Variants in CCDC30 observed in about 807,000 individuals in gnomAD.
CCDC30 encodes the protein coiled-coil domain-containing protein 30.
CCDC30 carries 70 observed loss-of-function variants against 100.2 expected under a neutral mutation model. The ratio of observed to expected loss-of-function variants is 0.70; its 90% CI spans 0.58 to 0.85. The LOEUF (loss-of-function observed/expected upper bound fraction) is 0.85. Ranked by LOEUF, CCDC30 falls within the 40% of genes least tolerant of loss-of-function variation. The pLI, the probability that CCDC30 is intolerant of heterozygous loss-of-function variation, is 0.00. For synonymous variants in CCDC30, 233 were observed against 269.5 expected (o/e 0.86, Z 1.33); for missense variants, 652 against 771.2 (o/e 0.85, Z 1.83).
intron 8 of CCDC30, among the ~76,000 whole-genome samples, chr1:42,578,245 GT>G (rs1423828821): frequency 8.5e-5 from 13 of 152,254 alleles, no homozygotes; most frequent in East Asian, 7.7e-4. Flanking sequence ...AAAATCTAAT[GT>G]TGAGTTAAAG....
At chr1:42,521,246 T>A (rs1644641182) in intron 6 of CCDC30, 1 of 153,630 alleles carries the variant, frequency 6.5e-6, no homozygotes, top group African/African-American at 2.4e-5. Flanking sequence ...CCCAAAGTGC[T>A]GGGATTACAG....
intron 6 of CCDC30, among the ~76,000 whole-genome samples, chr1:42,554,067 A>G (rs1427439396): frequency 1.3e-5 from 2 of 152,004 alleles, no homozygotes; most frequent in Non-Finnish European, 2.9e-5. Flanking sequence ...TTGCGCCACA[A>G]TTTTACTTTG....
At chr1:42,520,145 C>T (rs1251508838) in intron 6 of CCDC30, among the ~76,000 whole-genome samples, 1 of 136,856 alleles carries the variant, frequency 7.3e-6, no homozygotes, top group East Asian at 2.4e-4. Context: ...CTTTTGCTAC[C>T]TTCAGGTTTG....
At chr1:42,546,418 A>ACACG (rs1452437481) in intron 6 of CCDC30, among the ~76,000 whole-genome samples, 8 of 8,180 alleles carry the variant, frequency 9.8e-4, no homozygotes, top group East Asian at 3.1e-3. Flanking sequence ...ATATATATAT[A>ACACG]TATATATATA....
chr1:42,473,280 A>G, intron 1 of CCDC30: 1 of 1,231,438 alleles, frequency 8.1e-7, no homozygotes, highest in Non-Finnish European at 1.0e-6. Flanking sequence ...GCTTATAGTG[A>G]AGCACATGGG....
At chr1:42,582,250 A>G (rs1426631113) in intron 9 of CCDC30, among the ~76,000 whole-genome samples, 2 of 152,082 alleles carry the variant, frequency 1.3e-5, no homozygotes, top group African/African-American at 2.4e-5. Flanking sequence ...TTTATTTCTC[A>G]ACATAAGCTC....
At chr1:42,570,398 CTT>C (rs2148572481) in intron 7 of CCDC30, among the ~76,000 whole-genome samples, 1 of 151,984 alleles carries the variant, frequency 6.6e-6, no homozygotes, top group South Asian at 2.1e-4. Flanking sequence ...AAAATACTAA[CTT>C]ATTGCTTTTA....
At chr1:42,640,996 C>G (rs1647340360) in intron 12 of CCDC30, among the ~76,000 whole-genome samples, 1 of 152,004 alleles carries the variant, frequency 6.6e-6, no homozygotes, top group Non-Finnish European at 1.5e-5. Flanking sequence ...TGTCTCATGC[C>G]TGTAATCCCA....
chr1:42,536,942 AC>A (rs1644916766), intron 6 of CCDC30: 1 of 355,594 alleles, frequency 2.8e-6, no homozygotes, highest in Admixed American at 4.2e-5. Flanking sequence ...TTAAGGCCCC[AC>A]CCTTATATCC....
intron 11 of CCDC30, among the ~76,000 whole-genome samples, chr1:42,629,158 C>T (rs141394001): frequency 1.1e-3 from 174 of 152,322 alleles, no homozygotes; most frequent in African/African-American, 3.5e-3. Context: ...TAGTCATTAA[C>T]GTCCTTTGCT....
At chr1:42,583,375 G>A (rs1646005642) in intron 9 of CCDC30, among the ~76,000 whole-genome samples, 1 of 152,210 alleles carries the variant, frequency 6.6e-6, no homozygotes, top group African/African-American at 2.4e-5. Context: ...TTTAAACTAA[G>A]TGTAGGAAAA....
In CCDC30 at chr1:42,543,435, C is replaced by T. The variant is rs148244975; in HGVS notation, c.457-22861C>T. Among the ~76,000 whole-genome samples, 3 of 151,984 alleles carry T rather than the reference C, an allele frequency of 2.0e-5. No homozygotes were observed. In the South Asian group the frequency reaches 6.2e-4, roughly 32 times the overall value. ...CTCACAGGTTCAAGTGATTTTCATG[C>T]CTCAGCCATCCGAGTAACTGGGGTT... On this transcript the variant is annotated intron_variant, in intron 6 of 16. Coordinates refer to ENST00000668663, the Ensembl canonical transcript of CCDC30.
chr1:42,460,438 A>G (rs1324192868), upstream of CCDC30: 1 of 959,226 alleles, frequency 1.0e-6, no homozygotes, highest in African/African-American at 1.8e-5. Context: ...TTTGAAATTT[A>G]TCAAATATAG....
chr1:42,469,457 G>A (rs915790315), intron 1 of CCDC30, among the ~76,000 whole-genome samples: 3 of 152,168 alleles, frequency 2.0e-5, no homozygotes, highest in African/African-American at 7.2e-5. Flanking sequence ...AGGAGTGTGG[G>A]AGACAAATTG....
chr1:42,571,182 T>C (rs1645725727), intron 7 of CCDC30: 1 of 152,234 alleles, frequency 6.6e-6, no homozygotes, highest in Non-Finnish European at 1.5e-5. Context: ...ATAGACAATA[T>C]ATTATGAAAG....
At chr1:42,579,315 A>AGAGGC (rs942990128) in intron 8 of CCDC30, among the ~76,000 whole-genome samples, 3 of 151,154 alleles carry the variant, frequency 2.0e-5, no homozygotes, top group African/African-American at 7.3e-5. Context: ...AAAGGAAAGG[A>AGAGGC]GAGGCGAGGC....
At chr1:42,476,547 G>A (rs1037065481) in intron 1 of CCDC30, among the ~76,000 whole-genome samples, 7 of 152,076 alleles carry the variant, frequency 4.6e-5, no homozygotes, top group South Asian at 2.1e-4. Context: ...AAAATTAGCC[G>A]GATGTGGTGG....
the CCDC30 span, among the ~76,000 whole-genome samples, chr1:42,457,891 G>C: frequency 1.3e-5 from 2 of 150,456 alleles, no homozygotes; most frequent in African/African-American, 4.9e-5. Context: ...GGAGGCGGAG[G>C]TTGCAGTGAG....
At chr1:42,638,572 A>G (rs919115543) in intron 12 of CCDC30, among the ~76,000 whole-genome samples, 68 of 151,328 alleles carry the variant, frequency 4.5e-4, no homozygotes, top group Middle Eastern at 3.4e-3. Flanking sequence ...AAAAAAAAAA[A>G]AAAAGAAAAG....
Sources: gnomAD v4.1 joint callset for allele counts (sites outside exome capture counted in the v4.1 genomes callset) on GRCh38, gnomAD v4.1.1 for gene constraint, MANE v1.5 for transcripts, NCBI Gene and HGNC (gene_info 2026-07-23, HGNC 2026-07-21) for gene names.